EIF5B: variants seen among roughly 807,000 people sequenced by gnomAD.
The protein encoded by EIF5B is eIF-5B.
In EIF5B, 47 loss-of-function variants were observed where a neutral mutation model predicts 147.5. The ratio of observed to expected loss-of-function variants is 0.32; its 90% CI spans 0.25 to 0.41. The LOEUF is 0.41. Among genes scored for constraint, EIF5B ranks in the 10% least tolerant of loss-of-function variants. The probability of loss-of-function intolerance (pLI) is 1.00; values close to 1 mark genes in which losing one functional copy is unlikely to be tolerated. For missense variants in EIF5B, 1,064 were observed against 1,413.2 expected (o/e 0.75, Z 3.96); for synonymous variants, 455 against 456.2 (o/e 1.00, Z 0.03).
intron 1 of EIF5B, among the ~76,000 whole-genome samples, chr2:99,350,682 G>T (rs1005103549): frequency 6.6e-6 from 1 of 152,088 alleles, no homozygotes; most frequent in Non-Finnish European, 1.5e-5. Flanking sequence ...TATAGTTTGT[G>T]AATATTTTCT....
intron 1 of EIF5B, among the ~76,000 whole-genome samples, chr2:99,359,377 G>GA (rs1262750593): frequency 2.1e-4 from 30 of 142,758 alleles, no homozygotes; most frequent in Admixed American, 4.2e-4. Flanking sequence ...TCAAAAAAAG[G>GA]AAAAAAAAAA....
chr2:99,376,559 T>C lies in EIF5B; in HGVS notation c.1765T>C (p.Ser589Pro), dbSNP rs976887768. The change falls in exon 10 of 24, where the codon TCA becomes CCA. Residue 589 changes from serine (S) to proline (P), a missense_variant. Ser to Pro is a moderately conservative substitution (Grantham distance 74, BLOSUM62 -1). Around this residue, in one of 4 missense-constraint regions of EIF5B, gnomAD observed 195 missense variants for 186.3 expected, o/e 1.05. Coordinates refer to ENST00000289371, the MANE Select transcript of EIF5B (RefSeq NM_015904.4). ...TAAAAAGCCAAGTAAAGAAATGAGC[T>C]CAGATTCTGAATATGACTCTGATGA... ...LDKKPSKEMS[S>P]DSEYDSDDDR... 90 of 1,613,830 alleles carry C rather than the reference T, an allele frequency of 5.6e-5. No homozygotes were observed. Among genetic ancestry groups the C allele is most frequent in the Non-Finnish European group, 7.5e-5 (88 of 1,179,994 alleles).
chr2:99,350,760 T>C (rs1324877549), intron 1 of EIF5B, among the ~76,000 whole-genome samples: 2 of 152,344 alleles, frequency 1.3e-5, no homozygotes, highest in East Asian at 3.9e-4. Flanking sequence ...GTTTATGCTT[T>C]TGTTGCTTGA....
chr2:99,341,844 C>T (rs555687106), intron 1 of EIF5B, among the ~76,000 whole-genome samples: 2 of 152,288 alleles, frequency 1.3e-5, no homozygotes, highest in East Asian at 1.9e-4. Flanking sequence ...TATTATATGA[C>T]TTAATAGAAG....
chr2:99,343,600 C>T (rs1450113934), intron 1 of EIF5B, among the ~76,000 whole-genome samples: 1 of 151,750 alleles, frequency 6.6e-6, no homozygotes, highest in Non-Finnish European at 1.5e-5. Flanking sequence ...GGTGGATCAC[C>T]TGAGGTCAGG....
At chr2:99,381,516 GGGGTGTGTGTGTGTGT>G (rs1488839350) in intron 12 of EIF5B, among the ~76,000 whole-genome samples, 28 of 134,790 alleles carry the variant, frequency 2.1e-4, no homozygotes, top group African/African-American at 6.9e-4. Context: ...ATACAAAAAG[GGGGTGTGTGTGTGTGT>G]GTGTGTGTGT....
chr2:99,353,707 C>G (rs1448848494), intron 1 of EIF5B, among the ~76,000 whole-genome samples: 1 of 152,198 alleles, frequency 6.6e-6, no homozygotes, highest in Non-Finnish European at 1.5e-5. Flanking sequence ...TCACCTGTCT[C>G]TAACCTCAGG....
At chr2:99,356,534 T>A (rs1021094544) in intron 1 of EIF5B, among the ~76,000 whole-genome samples, 4 of 152,220 alleles carry the variant, frequency 2.6e-5, no homozygotes, top group Non-Finnish European at 5.9e-5. Flanking sequence ...TCTAATTAAT[T>A]AACATATTAA....
intron 21 of EIF5B, 67 bp downstream of exon 21, chr2:99,394,950 A>C: frequency 1.4e-6 from 2 of 1,414,262 alleles, no homozygotes; most frequent in Non-Finnish European, 1.9e-6. Flanking sequence ...ACTGAATTCC[A>C]GAAAGGGCTG....
intron 5 of EIF5B, among the ~76,000 whole-genome samples, 161 bp downstream of exon 5, chr2:99,364,023 CATCTT>C (rs369815195): frequency 3.3e-5 from 5 of 152,270 alleles, no homozygotes; most frequent in African/African-American, 9.6e-5. Flanking sequence ...AGGTACAGCA[CATCTT>C]ATCTTTATTT....
chr2:99,347,716 A>G (rs2094276277), intron 1 of EIF5B, among the ~76,000 whole-genome samples: 1 of 151,884 alleles, frequency 6.6e-6, no homozygotes, highest in Non-Finnish European at 1.5e-5. Context: ...TTTTATTTGA[A>G]CTAGTGATTT....
At chr2:99,398,989 G>C in intron 23 of EIF5B, 80 bp downstream of exon 23, 1 of 1,482,500 alleles carries the variant, frequency 6.7e-7, no homozygotes, top group South Asian at 1.3e-5. Context: ...GTAGCTCCTT[G>C]GGCTTCAGTT....
chr2:99,365,083 T>C (rs997861163), intron 6 of EIF5B, among the ~76,000 whole-genome samples: 1 of 152,208 alleles, frequency 6.6e-6, no homozygotes, highest in Non-Finnish European at 1.5e-5. Flanking sequence ...TTTGCTCCAA[T>C]GAGAAGAATA....
chr2:99,391,522 T>A (rs982056711), intron 17 of EIF5B, among the ~76,000 whole-genome samples: 2 of 152,164 alleles, frequency 1.3e-5, no homozygotes, highest in Admixed American at 1.3e-4. Context: ...ACCCAGAAGC[T>A]TCCTGTGTGC....
chr2:99,357,994 C>A (rs534704397), intron 1 of EIF5B, among the ~76,000 whole-genome samples: 2 of 152,294 alleles, frequency 1.3e-5, no homozygotes, highest in East Asian at 3.9e-4. Context: ...ACAGTTACTA[C>A]AAAAGCTTCC....
intron 13 of EIF5B, 68 bp downstream of exon 13, chr2:99,382,294 A>C: frequency 7.3e-7 from 1 of 1,368,888 alleles, no homozygotes; most frequent in Non-Finnish European, 1.0e-6. Flanking sequence ...AAAGTTCAGC[A>C]GAGTCATTAA....
At position 99,400,061 on chromosome 2, in the gene EIF5B, CACCAGTAAGCAAGCTCTGT is replaced by C. The variant is rs377658315; in HGVS notation, c.*648_*666del. On this transcript the variant is annotated 3_prime_UTR_variant, in exon 24 of 24. Coordinates refer to ENST00000289371, the MANE Select transcript of EIF5B (RefSeq NM_015904.4). ...ACTACCAATAAAGAAAACAGACATCCACCAGTAAGCAAGCTCTGTTAGGCTTCCATGTTAGTGTAGCTTC... is the reference window on the plus strand; with the variant it reads ...ACTACCAATAAAGAAAACAGACATCCTAGGCTTCCATGTTAGTGTAGCTTC... The C allele has an allele frequency of 1.3e-5, 2 of 152,278 alleles. No homozygotes were observed. The highest frequency in any genetic ancestry group is 4.8e-5 in the African/African-American group (2 of 41,460). 9.4% of individuals were successfully genotyped at this position (152,278 alleles called of 1,614,324 possible).
intron 9 of EIF5B, among the ~76,000 whole-genome samples, chr2:99,372,924 C>T (rs573603884): frequency 7.8e-4 from 118 of 151,862 alleles, no homozygotes; most frequent in Non-Finnish European, 1.4e-3. Flanking sequence ...TTTTTCTGAT[C>T]TGTTTTTTCT....
At chr2:99,343,531 T>C (rs1221921690) in intron 1 of EIF5B, among the ~76,000 whole-genome samples, 2 of 151,988 alleles carry the variant, frequency 1.3e-5, no homozygotes, top group Non-Finnish European at 1.5e-5. Context: ...AAGAGTTTTA[T>C]TGCTGGCCGG....
Sources: allele counts gnomAD v4.1 joint callset (sites outside exome capture counted in the v4.1 genomes callset), GRCh38; gene constraint gnomAD v4.1.1; regional missense constraint gnomAD v4.1.1; transcripts MANE v1.5; gene names NCBI Gene and HGNC (gene_info 2026-07-23, HGNC 2026-07-21).